Variants in TNIK observed in about 807,000 individuals in gnomAD.
The protein encoded by TNIK is TRAF2 and NCK interacting kinase.
A neutral mutation model predicts 191.3 loss-of-function variants in TNIK; 49 were observed. The observed-to-expected ratio is 0.26, with a 90% confidence interval of 0.20 to 0.32. The LOEUF is 0.32. TNIK is among the 10% of genes least tolerant of loss of function. TNIK has a pLI of 1.00. For missense variants in TNIK, 1,155 were observed against 1,702.3 expected (o/e 0.68, Z 5.66); for synonymous variants, 594 against 600.9 (o/e 0.99, Z 0.17).
chr3:171,262,222 T>C (rs1384078588), intron 2 of TNIK, among the ~76,000 whole-genome samples: 1 of 152,176 alleles, frequency 6.6e-6, no homozygotes, highest in Non-Finnish European at 1.5e-5. Context: ...TTGATTTCAC[T>C]GACCTTTTTA....
Position 171,098,119 on chromosome 3 carries a change from G to A in TNIK, c.2591+3330C>T, listed in dbSNP as rs192058213. 3.5e-5 allele frequency among the ~76,000 whole-genome samples: 5 copies of A among 144,748 alleles called. No individual in the cohort carries two copies. In the East Asian group the frequency reaches 6.4e-4, roughly 19 times the overall value. The allele number at this position is 144,748 out of a possible 152,430, so 95.0% of individuals were successfully genotyped here. On this transcript the variant is annotated intron_variant, in intron 22 of 32. Coordinates refer to ENST00000436636, the MANE Select transcript of TNIK (RefSeq NM_015028.4). Reference sequence around the variant, plus strand: ...ATAGTGGCTTCCTTCCAAAGGTATAGCATAGAAAAAAGCGGAAATAAAAGA... The same window carrying A: ...ATAGTGGCTTCCTTCCAAAGGTATAACATAGAAAAAAGCGGAAATAAAAGA...
intron 2 of TNIK, among the ~76,000 whole-genome samples, chr3:171,232,341 G>GAA (rs538492715): frequency 1.0e-4 from 14 of 133,420 alleles, no homozygotes; most frequent in Admixed American, 8.2e-4. Context: ...ATGTATGAAT[G>GAA]AAAAAAAAAA....
chr3:171,423,895 G>A (rs1724181515), intron 1 of TNIK, among the ~76,000 whole-genome samples: 2 of 152,220 alleles, frequency 1.3e-5, no homozygotes, highest in Admixed American at 1.3e-4. Flanking sequence ...ATAAAACCTA[G>A]GCAATACCAT....
chr3:171,424,959 T>G (rs1027068950), intron 1 of TNIK, among the ~76,000 whole-genome samples: 1 of 141,064 alleles, frequency 7.1e-6, no homozygotes, highest in Non-Finnish European at 1.5e-5. Flanking sequence ...GTTGTGCACA[T>G]GTACCCTAAA....
chr3:171,120,323 C>CTT (rs397691045), intron 18 of TNIK, among the ~76,000 whole-genome samples: 2,099 of 136,368 alleles, frequency 0.015, 55 homozygotes, highest in Admixed American at 0.047. Context: ...TTTTTTCTTT[C>CTT]TTTTTTTTTT....
intron 2 of TNIK, among the ~76,000 whole-genome samples, chr3:171,313,499 C>T (rs1051792530): frequency 3.9e-5 from 6 of 152,218 alleles, no homozygotes; most frequent in South Asian, 2.1e-4. Context: ...ATATAATTAC[C>T]ACTTTTGTCA....
intron 2 of TNIK, among the ~76,000 whole-genome samples, chr3:171,275,454 A>G (rs1246836672): frequency 6.6e-6 from 1 of 152,212 alleles, no homozygotes; most frequent in Non-Finnish European, 1.5e-5. Flanking sequence ...TAACCATAAA[A>G]CAAGAAGAGA....
intron 1 of TNIK, among the ~76,000 whole-genome samples, chr3:171,374,175 T>A (rs1351145183): frequency 1.3e-5 from 2 of 152,196 alleles, no homozygotes; most frequent in Non-Finnish European, 2.9e-5. Flanking sequence ...CAAACTTACA[T>A]CATTTCTTTT....
intron 1 of TNIK, among the ~76,000 whole-genome samples, chr3:171,411,208 C>T (rs1006884026): frequency 1.3e-5 from 2 of 152,070 alleles, no homozygotes; most frequent in Non-Finnish European, 2.9e-5. Context: ...GCTGGGACTA[C>T]AGGCATATAC....
At chr3:171,381,858 C>A (rs1012935477) in intron 1 of TNIK, among the ~76,000 whole-genome samples, 1 of 152,180 alleles carries the variant, frequency 6.6e-6, no homozygotes, top group Non-Finnish European at 1.5e-5. Flanking sequence ...TAGAACACTA[C>A]AGCCATTTCT....
chr3:171,326,392 C>T (rs535849594), intron 2 of TNIK, among the ~76,000 whole-genome samples: 72 of 152,056 alleles, frequency 4.7e-4, no homozygotes, highest in Admixed American at 2.4e-3. Context: ...TAACCTAAAA[C>T]GACAGAAGCG....
At chr3:171,300,306 A>G (rs550650970) in intron 2 of TNIK, among the ~76,000 whole-genome samples, 2 of 152,208 alleles carry the variant, frequency 1.3e-5, no homozygotes, top group East Asian at 1.9e-4. Flanking sequence ...GTCATGCCCT[A>G]TGGGGCCAGG....
At chr3:171,326,055 T>C (rs1417749304) in intron 2 of TNIK, among the ~76,000 whole-genome samples, 1 of 152,140 alleles carries the variant, frequency 6.6e-6, no homozygotes, top group Non-Finnish European at 1.5e-5. Context: ...TAAGACAGCA[T>C]GTTATGTGGC....
At chr3:171,145,304 T>C (rs993289128) in intron 12 of TNIK, among the ~76,000 whole-genome samples, 1 of 152,086 alleles carries the variant, frequency 6.6e-6, no homozygotes, top group East Asian at 1.9e-4. Flanking sequence ...GCCAGGATGG[T>C]CTCGATCTCC....
intron 1 of TNIK, among the ~76,000 whole-genome samples, chr3:171,432,702 A>C (rs1467868780): frequency 1.3e-5 from 2 of 152,238 alleles, no homozygotes; most frequent in African/African-American, 4.8e-5. Context: ...TAAAAAAGGC[A>C]AAAGAAACAT....
At chr3:171,218,916 T>C (rs1178573624) in intron 3 of TNIK, among the ~76,000 whole-genome samples, 1 of 134,916 alleles carries the variant, frequency 7.4e-6, no homozygotes, top group African/African-American at 2.8e-5. Flanking sequence ...ATATTAAATA[T>C]ATATTTTTAT....
chr3:171,402,730 A>G (rs1721116157), intron 1 of TNIK, among the ~76,000 whole-genome samples: 1 of 152,216 alleles, frequency 6.6e-6, no homozygotes, highest in African/African-American at 2.4e-5. Flanking sequence ...TCCAAAATTT[A>G]GGAATTTTTT....
intron 11 of TNIK, among the ~76,000 whole-genome samples, chr3:171,160,759 G>A (rs1050273107): frequency 2.0e-5 from 3 of 152,060 alleles, no homozygotes; most frequent in African/African-American, 7.2e-5. Flanking sequence ...AAAAGTATTT[G>A]TTTGGAGTTC....
At chr3:171,382,418 A>G (rs1718167094) in intron 1 of TNIK, among the ~76,000 whole-genome samples, 1 of 152,038 alleles carries the variant, frequency 6.6e-6, no homozygotes, top group Non-Finnish European at 1.5e-5. Flanking sequence ...ACAGGGTTTC[A>G]CCATGTTGGC....
Sources: gnomAD v4.1 joint callset for allele counts (sites outside exome capture counted in the v4.1 genomes callset) on GRCh38, gnomAD v4.1.1 for gene constraint, MANE v1.5 for transcripts, NCBI Gene and HGNC (gene_info 2026-07-23, HGNC 2026-07-21) for gene names.